Variants in FAM161A observed in about 807,000 individuals in gnomAD.
The protein encoded by FAM161A is protein FAM161A.
FAM161A carries 57 observed loss-of-function variants against 70.9 expected under a neutral mutation model. That is an observed-to-expected ratio of 0.80 (90% CI 0.65 to 1.00). The LOEUF (loss-of-function observed/expected upper bound fraction) is 1.00. Among genes scored for constraint, FAM161A ranks in the 50% least tolerant of loss-of-function variants. The pLI is 0.00. For missense variants in FAM161A, 880 were observed against 836.0 expected, an observed-to-expected ratio of 1.05 and a Z score of -0.65; for synonymous variants, 299 against 295.7, an observed-to-expected ratio of 1.01 and a Z score of -0.12.
the FAM161A span, among the ~76,000 whole-genome samples, chr2:61,814,345 C>T: frequency 6.6e-6 from 1 of 152,164 alleles, no homozygotes. Flanking sequence ...TCCTGAACTA[C>T]AGAATGCCTT....
At chr2:61,844,129 C>T (rs1291243970) in intron 1 of FAM161A, among the ~76,000 whole-genome samples, 5 of 151,744 alleles carry the variant, frequency 3.3e-5, no homozygotes, top group Admixed American at 2.0e-4. Flanking sequence ...GGCGACAGAG[C>T]GAGACTCTGT....
the FAM161A span, among the ~76,000 whole-genome samples, chr2:61,810,161 T>G: frequency 6.6e-6 from 1 of 152,168 alleles, no homozygotes; most frequent in Admixed American, 6.6e-5. Context: ...GGTGGCTTAT[T>G]ATGCAGCTGA....
intron 1 of FAM161A, chr2:61,846,881 C>A (rs551798927): frequency 4.4e-5 from 20 of 452,612 alleles, no homozygotes; most frequent in Admixed American, 2.4e-4. Flanking sequence ...AGTTTTCACT[C>A]GAAAAATCAA....
At chr2:61,834,107 C>G (rs987001051) in intron 5 of FAM161A, among the ~76,000 whole-genome samples, 1 of 152,154 alleles carries the variant, frequency 6.6e-6, no homozygotes, top group Non-Finnish European at 1.5e-5. Flanking sequence ...AACAACCCAG[C>G]CCATCAGCAG....
chr2:61,848,804 ATATATATATTTATATATATATATC>A lies in FAM161A; in HGVS notation c.183+5031_183+5054del, dbSNP rs1572893792. Among the ~76,000 whole-genome samples, 8 of 39,546 alleles carry A rather than the reference ATATATATATTTATATATATATATC, an allele frequency of 2.0e-4. 3 individuals are homozygous for A. The highest frequency in any genetic ancestry group is 1.7e-3 in the South Asian group (2 of 1,144). The allele number at this position is 39,546 out of a possible 152,430, so 25.9% of individuals were successfully genotyped here. ...CAGAACTATCTCCCTCTCTCTGTCT[ATATATATATTTATATATATATATC>A]TATATATATTTATATATATATTTAT... On this transcript the variant is annotated intron_variant, in intron 1 of 6. Transcript: ENST00000404929.
At chr2:61,849,851 A>G (rs1292612227) in intron 1 of FAM161A, among the ~76,000 whole-genome samples, 1 of 34,938 alleles carries the variant, frequency 2.9e-5, no homozygotes, top group East Asian at 8.4e-4. Context: ...TGTAGGACAT[A>G]ATCTTAAACA....
At chr2:61,809,335 A>G in the FAM161A span, among the ~76,000 whole-genome samples, 1 of 152,056 alleles carries the variant, frequency 6.6e-6, no homozygotes, top group East Asian at 1.9e-4. Flanking sequence ...TTCTTTCTAC[A>G]CACATTCCTT....
chr2:61,823,101 G>A (rs1019334377), downstream of FAM161A, among the ~76,000 whole-genome samples: 1 of 151,214 alleles, frequency 6.6e-6, no homozygotes, highest in Non-Finnish European at 1.5e-5. Context: ...TTGGGAGGCC[G>A]AGGCAGATGG....
At chr2:61,832,113 C>A (rs1033646008) in intron 5 of FAM161A, among the ~76,000 whole-genome samples, 2 of 151,902 alleles carry the variant, frequency 1.3e-5, no homozygotes, top group Non-Finnish European at 2.9e-5. Flanking sequence ...GGCATGGTAG[C>A]TTGTGCCTGT....
intron 1 of FAM161A, among the ~76,000 whole-genome samples, chr2:61,847,155 C>G (rs1673252217): frequency 6.6e-6 from 1 of 151,654 alleles, no homozygotes; most frequent in Non-Finnish European, 1.5e-5. Flanking sequence ...GAGTGAGGCT[C>G]CATCTCAAAA....
Position 61,853,850 on chromosome 2 carries a change from C to A in FAM161A, c.183+9G>T, listed in dbSNP as rs762430089. On this transcript the variant is annotated intron_variant, in intron 1 of 6. Coordinates refer to ENST00000404929, the MANE Select transcript of FAM161A (RefSeq NM_001201543.2). ...CGAGGTCCCAGCCCAAGTCCCGCCC[C>A]AGTATTACCGATGCCCCAGCGGGCT... is the stretch of plus-strand genomic sequence containing the variant. 21 of 1,613,878 alleles carry A rather than the reference C, an allele frequency of 1.3e-5. No individual in the cohort carries two copies. In the South Asian group the frequency reaches 2.3e-4, roughly 18 times the overall value.
At chr2:61,818,056 T>G in the FAM161A span, among the ~76,000 whole-genome samples, 32,178 of 149,746 alleles carry the variant, frequency 0.21, 3,638 homozygotes, top group Non-Finnish European at 0.24. Flanking sequence ...ATACCTAACA[T>G]TCAGATCCTT....
At chr2:61,823,405 T>C (rs1204696764), downstream of FAM161A, among the ~76,000 whole-genome samples, 2 of 136,120 alleles carry the variant, frequency 1.5e-5, no homozygotes, top group African/African-American at 5.4e-5. Context: ...GGTCTCACTT[T>C]GTTACCTAGG....
chr2:61,852,776 C>T (rs916666951), intron 1 of FAM161A, among the ~76,000 whole-genome samples: 2 of 152,122 alleles, frequency 1.3e-5, no homozygotes, highest in African/African-American at 4.8e-5. Flanking sequence ...AAGATGTTCT[C>T]ATTAACAATT....
chr2:61,849,205 A>G (rs1256023093), intron 1 of FAM161A, among the ~76,000 whole-genome samples: 1 of 142,502 alleles, frequency 7.0e-6, no homozygotes, highest in Non-Finnish European at 1.5e-5. Context: ...TGGAGGAGAT[A>G]GAAAAACGGC....
chr2:61,806,762 G>C, the FAM161A span, among the ~76,000 whole-genome samples: 1 of 127,834 alleles, frequency 7.8e-6, no homozygotes, highest in Non-Finnish European at 1.5e-5. Flanking sequence ...GCGCCATCTC[G>C]GCTCACTGCA....
At chr2:61,842,998 T>A (rs1459346460) in intron 1 of FAM161A, among the ~76,000 whole-genome samples, 1 of 152,102 alleles carries the variant, frequency 6.6e-6, no homozygotes, top group Non-Finnish European at 1.5e-5. Context: ...ACAAAAGCAG[T>A]AGCTCCCATG....
At chr2:61,804,120 T>C in the FAM161A span, among the ~76,000 whole-genome samples, 1 of 152,136 alleles carries the variant, frequency 6.6e-6, no homozygotes. Context: ...TTTTAGACCA[T>C]ATAGGGTAAC....
Position 61,836,057 on chromosome 2 carries a change from CT to C in FAM161A, c.1803del (p.Glu602LysfsTer4), listed in dbSNP as rs1672760852. On this transcript the variant is annotated frameshift_variant, in exon 5 of 7. Coordinates refer to ENST00000404929, the MANE Select transcript of FAM161A (RefSeq NM_001201543.2). LOFTEE classifies it high-confidence loss of function. Reference protein sequence around the residue: ...MREYQRELEEREEKLKKRPLL... With the variant: ...MREYQRELEEXEEKLKKRPLL... Reference sequence around the variant, plus strand: ...AGTGGCCTCTTTTTTAATTTTTCTTCTCTTTCTTCTAGTTCTCGTTGGTATT... The same window carrying C: ...AGTGGCCTCTTTTTTAATTTTTCTTCCTTTCTTCTAGTTCTCGTTGGTATT... 6.2e-7 allele frequency: 1 copy of C among 1,609,582 alleles called. No individual in the cohort carries two copies.
Sources: gnomAD v4.1 joint callset for allele counts (sites outside exome capture counted in the v4.1 genomes callset) on GRCh38, gnomAD v4.1.1 for gene constraint, MANE v1.5 for transcripts, NCBI Gene and HGNC (gene_info 2026-07-23, HGNC 2026-07-21) for gene names.